CNTNAP2: variants seen among roughly 807,000 people sequenced by gnomAD.
The protein encoded by CNTNAP2 is contactin associated protein 2, also known as contactin-associated protein-like 2.
In CNTNAP2, 98 loss-of-function variants were observed where a neutral mutation model predicts 155.2. The observed-to-expected ratio is 0.63, with a 90% CI of 0.54 to 0.75. CNTNAP2 has a LOEUF of 0.75. Ranked by LOEUF, CNTNAP2 falls within the 30% of genes least tolerant of loss-of-function variation. The pLI is 0.00. For missense variants in CNTNAP2, 1,727 were observed against 1,688.1 expected (o/e 1.02, Z -0.40); for synonymous variants, 651 against 631.2 (o/e 1.03, Z -0.47).
intron 15 of CNTNAP2, among the ~76,000 whole-genome samples, chr7:148,056,135 A>G (rs536894361): frequency 3.7e-4 from 56 of 152,318 alleles, no homozygotes; most frequent in African/African-American, 1.1e-3. Context: ...AAATTTTAGC[A>G]TACTCATTGA....
rs1169122071 is a variant in CNTNAP2, at chr7:146,303,330, G to C, written c.97+186357G>C. On this transcript the variant is annotated intron_variant, in intron 1 of 23. Transcript: ENST00000361727. The stretch of plus-strand genomic sequence containing the variant: ...TGCCTCAATTATAAGCAATTTGCCA[G>C]TCTCAAATCATGTACCCTCCTCAGT... 2.6e-5 allele frequency among the ~76,000 whole-genome samples: 4 copies of C among 152,088 alleles called. No individual in the cohort carries two copies. In the East Asian group the frequency reaches 7.7e-4, roughly 29 times the overall value.
intron 1 of CNTNAP2, among the ~76,000 whole-genome samples, chr7:146,538,319 C>G (rs1797900992): frequency 6.6e-6 from 1 of 152,060 alleles, no homozygotes; most frequent in Admixed American, 6.6e-5. Context: ...ATTTCTTGCT[C>G]AAGTTACATA....
intron 9 of CNTNAP2, among the ~76,000 whole-genome samples, chr7:147,378,927 C>T (rs549767809): frequency 6.6e-6 from 1 of 152,114 alleles, no homozygotes; most frequent in South Asian, 2.1e-4. Context: ...CCCATAATCC[C>T]TACATGTCGT....
intron 10 of CNTNAP2, among the ~76,000 whole-genome samples, chr7:147,423,048 G>A (rs1195516691): frequency 6.6e-6 from 1 of 152,178 alleles, no homozygotes; most frequent in South Asian, 2.1e-4. Flanking sequence ...GTGAACAGAT[G>A]CTGGAACTGA....
At chr7:148,206,602 C>T (rs932237351) in intron 18 of CNTNAP2, among the ~76,000 whole-genome samples, 19 of 152,208 alleles carry the variant, frequency 1.2e-4, no homozygotes, top group African/African-American at 4.6e-4. Context: ...AACATCCTCC[C>T]GCTGTCGTTC....
chr7:146,196,246 G>C (rs1224785804), intron 1 of CNTNAP2, among the ~76,000 whole-genome samples: 1 of 152,158 alleles, frequency 6.6e-6, no homozygotes, highest in Non-Finnish European at 1.5e-5. Flanking sequence ...AAAATGAACA[G>C]TTAGAAATAA....
intron 11 of CNTNAP2, among the ~76,000 whole-genome samples, chr7:147,516,868 CGT>C (rs148099776): frequency 1.3e-4 from 12 of 91,650 alleles, no homozygotes; most frequent in East Asian, 2.9e-4. Context: ...TTTTTTTTTG[CGT>C]GTGTGTGTGT....
intron 1 of CNTNAP2, among the ~76,000 whole-genome samples, chr7:146,144,011 C>T (rs1322963885): frequency 1.3e-5 from 2 of 152,100 alleles, no homozygotes; most frequent in African/African-American, 4.8e-5. Flanking sequence ...ATCCTCCCAC[C>T]TCGGCCTCCC....
At chr7:146,786,369 T>C (rs1419648665) in intron 2 of CNTNAP2, among the ~76,000 whole-genome samples, 1 of 152,216 alleles carries the variant, frequency 6.6e-6, no homozygotes, top group Non-Finnish European at 1.5e-5. Context: ...GACCCTTCTC[T>C]TAATACCCTT....
chr7:146,930,705 G>A (rs1005432342), intron 3 of CNTNAP2, among the ~76,000 whole-genome samples: 21 of 152,146 alleles, frequency 1.4e-4, no homozygotes, highest in African/African-American at 5.1e-4. Context: ...CACATGCAGA[G>A]ACACACATAG....
At chr7:146,301,646 C>T (rs1299242386) in intron 1 of CNTNAP2, among the ~76,000 whole-genome samples, 1 of 151,978 alleles carries the variant, frequency 6.6e-6, no homozygotes, top group East Asian at 1.9e-4. Flanking sequence ...ACAACAACAA[C>T]AACAACAACA....
intron 9 of CNTNAP2, among the ~76,000 whole-genome samples, chr7:147,347,950 A>C (rs1344606568): frequency 2.0e-5 from 3 of 152,080 alleles, no homozygotes; most frequent in Admixed American, 6.6e-5. Flanking sequence ...TCTCTTCAAT[A>C]AATGGTGTTG....
At chr7:147,899,779 G>A (rs963466396) in intron 13 of CNTNAP2, among the ~76,000 whole-genome samples, 1 of 152,000 alleles carries the variant, frequency 6.6e-6, no homozygotes, top group Non-Finnish European at 1.5e-5. Flanking sequence ...CAGCTACTTG[G>A]GAGGCTGAAG....
At chr7:147,167,624 G>T in intron 8 of CNTNAP2, 1 of 612,010 alleles carries the variant, frequency 1.6e-6, no homozygotes, top group East Asian at 3.2e-5. Context: ...TTTATATGCA[G>T]CTGTCCTGTG....
intron 18 of CNTNAP2, among the ~76,000 whole-genome samples, chr7:148,210,887 A>C (rs1279395812): frequency 1.3e-5 from 2 of 152,238 alleles, no homozygotes; most frequent in Non-Finnish European, 1.5e-5. Context: ...ACTTGGGGAG[A>C]AAAAGCAGAT....
chr7:148,206,960 C>T (rs1189379839), intron 18 of CNTNAP2, among the ~76,000 whole-genome samples: 1 of 152,164 alleles, frequency 6.6e-6, no homozygotes, highest in Non-Finnish European at 1.5e-5. Flanking sequence ...CCCATCCTTC[C>T]CGCCTCCTGC....
Position 147,252,091 on chromosome 7 carries a change from T to G in CNTNAP2, c.1349-48050T>G, listed in dbSNP as rs532593379. Among the ~76,000 whole-genome samples, 134 of 152,304 alleles carry G rather than the reference T, an allele frequency of 8.8e-4. 1 individual carries two copies. The highest frequency in any genetic ancestry group is 3.0e-3 in the African/African-American group (123 of 41,580). ...ATGATTATAAGCCCACATTATGTTT[T>G]ATTTCAAACGTGCTGTTGGATGAAA... On this transcript the variant is annotated intron_variant, in intron 8 of 23. Transcript: ENST00000361727.
At chr7:147,272,493 A>G (rs1177322811) in intron 8 of CNTNAP2, among the ~76,000 whole-genome samples, 1 of 151,856 alleles carries the variant, frequency 6.6e-6, no homozygotes, top group Non-Finnish European at 1.5e-5. Flanking sequence ...TTCTCTTGCC[A>G]TGTATTCCAG....
At chr7:147,422,583 C>T (rs1797313787) in intron 10 of CNTNAP2, among the ~76,000 whole-genome samples, 2 of 152,068 alleles carry the variant, frequency 1.3e-5, no homozygotes, top group South Asian at 4.1e-4. Flanking sequence ...GATGCAATGT[C>T]TTCAATTAAG....
Sources: allele counts gnomAD v4.1 joint callset (sites outside exome capture counted in the v4.1 genomes callset), GRCh38; gene constraint gnomAD v4.1.1; transcripts MANE v1.5; gene names NCBI Gene and HGNC (gene_info 2026-07-23, HGNC 2026-07-21).